The following LARP4 variants were observed in gnomAD, a reference collection of about 807,000 sequenced individuals.
LARP4 encodes la-related protein 4.
A neutral mutation model predicts 92.9 loss-of-function variants in LARP4; 29 were observed. That is an observed-to-expected ratio of 0.31 (90% CI 0.23 to 0.43). The LOEUF is 0.43. LARP4 is among the 20% of genes least tolerant of loss of function. The probability of loss-of-function intolerance (pLI) is 1.00; values close to 1 mark genes in which losing one functional copy is unlikely to be tolerated. For synonymous variants in LARP4, 279 were observed against 284.1 expected (o/e 0.98, Z 0.18); for missense variants, 732 against 860.0 (o/e 0.85, Z 1.86).
chr12:50,462,565 C>CA lies in LARP4; in HGVS notation c.1335-17_1335-16insA. ...TCCCTCCACCCCACCCCACCCCCAC[C>CA]TTTTTCTTATTAAAAGGAGAACTCT... is the stretch of plus-strand genomic sequence containing the variant. On this transcript the variant is annotated splice_polypyrimidine_tract_variant and intron_variant, in intron 11 of 15. Transcript: ENST00000398473. The CA allele has an allele frequency of 1.3e-6, 2 of 1,500,186 alleles. No homozygotes were observed. Among genetic ancestry groups the CA allele is most frequent in the Non-Finnish European group, 1.8e-6 (2 of 1,091,500 alleles). 92.9% of individuals were successfully genotyped at this position (1,500,186 alleles called of 1,614,324 possible).
chr12:50,478,465 T>G lies in LARP4; in HGVS notation c.*2601T>G, dbSNP rs1165855926. On this transcript the variant is annotated 3_prime_UTR_variant, in exon 16 of 16. Transcript: ENST00000398473. ...CTCTTGGCTTTTTTCCAACGTTACT[T>G]TGTAACTAATGAGGGTGGATGTTCA... The G allele has an allele frequency of 1.3e-5, 2 of 152,124 alleles. No homozygotes were observed. The highest frequency in any genetic ancestry group is 2.9e-5 in the Non-Finnish European group (2 of 67,982). 9.4% of individuals were successfully genotyped at this position (152,124 alleles called of 1,614,324 possible). A position where few individuals can be genotyped will look rare whatever the true frequency, so the allele number is the denominator to read the frequency against.
Position 50,461,280 on chromosome 12 carries a change from C to G in LARP4, c.1267C>G (p.Gln423Glu). 1 of 1,614,052 alleles carries G rather than the reference C, an allele frequency of 6.2e-7. No homozygotes were observed. Among genetic ancestry groups the G allele is most frequent in the Non-Finnish European group, 8.5e-7 (1 of 1,180,000 alleles). The change falls in exon 11 of 16, where the codon CAA becomes GAA. Residue 423 changes from glutamine (Q) to glutamate (E), a missense_variant. This residue lies in a region of LARP4 where 264 missense variants were observed against 269.5 expected (regional missense o/e 0.98). Transcript: ENST00000398473. The stretch of plus-strand genomic sequence containing the variant: ...CCCCACAGTAACTGGGCATCAGGAG[C>G]AAACTTACCTTCAGAAGGAGACTTC... The part of the protein sequence containing the change: ...HNPTVTGHQE[Q>E]TYLQKETSTL...
At chr12:50,447,375 G>A (rs1403337897) in intron 8 of LARP4, among the ~76,000 whole-genome samples, 1 of 152,198 alleles carries the variant, frequency 6.6e-6, no homozygotes, top group Non-Finnish European at 1.5e-5. Context: ...TGATGGCCAT[G>A]TAATTCCTGT....
chr12:50,457,757 T>G (rs573862183), intron 10 of LARP4, among the ~76,000 whole-genome samples: 1 of 150,246 alleles, frequency 6.7e-6, no homozygotes, highest in African/African-American at 2.4e-5. Flanking sequence ...GAGGTTGTAA[T>G]GAGCTGAGAT....
intron 4 of LARP4, among the ~76,000 whole-genome samples, chr12:50,433,430 A>G (rs1457726329): frequency 6.6e-6 from 1 of 152,076 alleles, no homozygotes; most frequent in Non-Finnish European, 1.5e-5. Flanking sequence ...CCATTAATAC[A>G]TATCAGGTAT....
At chr12:50,473,643 A>G (rs1171221612) in intron 14 of LARP4, 107 bp downstream of exon 14, 3 of 1,166,828 alleles carry the variant, frequency 2.6e-6, no homozygotes, top group Admixed American at 2.3e-5. Context: ...AGGCAGGTGA[A>G]TCACCTGAGG....
In LARP4 at chr12:50,453,824, A is replaced by G. The variant is rs536729234; in HGVS notation, c.1017+152A>G. 4.4e-4 allele frequency: 256 copies of G among 581,462 alleles called. No individual in the cohort carries two copies. The African/African-American group carries it at 4.7e-3, about 11-fold the overall frequency. 36.0% of individuals were successfully genotyped at this position (581,462 alleles called of 1,614,324 possible). On this transcript the variant is annotated intron_variant, in intron 9 of 15. Coordinates refer to ENST00000398473, the MANE Select transcript of LARP4 (RefSeq NM_052879.5). ...TTTTTTGTATTTTTCGTAGAGATGGAATTTTGCCATGTTGCCCAGGCTGGT... is the reference window on the plus strand; with the variant it reads ...TTTTTTGTATTTTTCGTAGAGATGGGATTTTGCCATGTTGCCCAGGCTGGT...
chr12:50,452,491 CT>C (rs1953393261), intron 8 of LARP4, among the ~76,000 whole-genome samples: 1 of 152,132 alleles, frequency 6.6e-6, no homozygotes, highest in South Asian at 2.1e-4. Context: ...CTATTTTTAA[CT>C]TTTGAGGAAT....
At chr12:50,473,806 T>TGGGGGGGGGGGGGGGG (rs1443099947) in intron 14 of LARP4, among the ~76,000 whole-genome samples, 193 bp from the exon 15 acceptor site, 1 of 5,210 alleles carries the variant, frequency 1.9e-4, no homozygotes, top group African/African-American at 7.3e-4. Context: ...TGGGGGTGGG[T>TGGGGGGGGGGGGGGGG]GGGGGGGTGG....
chr12:50,458,938 T>C (rs528669457), intron 10 of LARP4, among the ~76,000 whole-genome samples: 4 of 152,316 alleles, frequency 2.6e-5, no homozygotes, highest in Admixed American at 2.6e-4. Context: ...TTTGCTGTCC[T>C]ACATATGGAT....
chr12:50,453,701 A>C (rs1406011304), intron 9 of LARP4, 29 bp downstream of exon 9: 3 of 1,372,480 alleles, frequency 2.2e-6, no homozygotes, highest in Middle Eastern at 2.4e-4. Flanking sequence ...ATAAAATATA[A>C]TAATATTTTT....
At chr12:50,443,514 A>G (rs112622956) in intron 8 of LARP4, among the ~76,000 whole-genome samples, 1 of 152,116 alleles carries the variant, frequency 6.6e-6, no homozygotes, top group African/African-American at 2.4e-5. Flanking sequence ...CAGTCCTTCC[A>G]TCTCAGCCTC....
chr12:50,464,328 C>T (rs1360673359), intron 12 of LARP4, among the ~76,000 whole-genome samples: 1 of 152,178 alleles, frequency 6.6e-6, no homozygotes, highest in East Asian at 1.9e-4. Flanking sequence ...TTATACATGG[C>T]AGAAGTAGGA....
chr12:50,425,645 G>A (rs975722074), intron 1 of LARP4, among the ~76,000 whole-genome samples: 1 of 152,028 alleles, frequency 6.6e-6, no homozygotes, highest in South Asian at 2.1e-4. Flanking sequence ...TGTCACCTAC[G>A]GCATCCGTGC....
intron 8 of LARP4, among the ~76,000 whole-genome samples, chr12:50,452,009 A>G (rs1376372848): frequency 1.3e-5 from 2 of 152,136 alleles, no homozygotes; most frequent in Non-Finnish European, 2.9e-5. Flanking sequence ...TCTCAAAAAA[A>G]TAAATAAATA....
intron 10 of LARP4, among the ~76,000 whole-genome samples, chr12:50,458,552 C>T (rs1954765289): frequency 6.6e-6 from 1 of 152,124 alleles, no homozygotes; most frequent in South Asian, 2.1e-4. Context: ...GTTTTAAATC[C>T]TTATTCCTAG....
Position 50,478,257 on chromosome 12 carries a change from T to A in LARP4, c.*2393T>A, listed in dbSNP as rs1957667121. 6.6e-6 allele frequency: 1 copy of A among 152,134 alleles called. No individual in the cohort carries two copies. Among genetic ancestry groups the A allele is most frequent in the African/African-American group, 2.4e-5 (1 of 41,464 alleles). 9.4% of individuals were successfully genotyped at this position (152,134 alleles called of 1,614,324 possible). On this transcript the variant is annotated 3_prime_UTR_variant, in exon 16 of 16. Transcript: ENST00000398473. The stretch of plus-strand genomic sequence containing the variant: ...TTTCTCATTAAGACAATGTTTTTAA[T>A]TTAATTTGCCTCATTACATCTAATA...
Position 50,472,640 on chromosome 12 carries a change from CA to C in LARP4, c.1546-774del, listed in dbSNP as rs781037767. On this transcript the variant is annotated intron_variant, in intron 13 of 15. Coordinates refer to ENST00000398473, the MANE Select transcript of LARP4 (RefSeq NM_052879.5). ...AGACTCACGTGATCCTCTCAAGTAG[CA>C]GGGACAACAGATGGACACCCCCCAC... 1.3e-4 allele frequency among the ~76,000 whole-genome samples: 19 copies of C among 151,906 alleles called. No homozygotes were observed. The East Asian group carries it at 1.7e-3, about 14-fold the overall frequency.
chr12:50,403,998 T>C (rs7960671), intron 1 of LARP4, among the ~76,000 whole-genome samples: 149,297 of 152,192 alleles, frequency 0.98, 73,287 homozygotes, highest in East Asian at 1. Context: ...CTGAGGTGGG[T>C]GGCAAATCAC....
Sources: gnomAD v4.1 joint callset for allele counts (sites outside exome capture counted in the v4.1 genomes callset) on GRCh38, gnomAD v4.1.1 for gene constraint, gnomAD v4.1.1 regional missense constraint, MANE v1.5 for transcripts, NCBI Gene and HGNC (gene_info 2026-07-23, HGNC 2026-07-21) for gene names.